Variants in MYH9 observed in about 807,000 individuals in gnomAD.
MYH9 encodes myosin-9.
In MYH9, 29 loss-of-function variants were observed where a neutral mutation model predicts 241.9. That is an observed-to-expected ratio of 0.12 (90% CI 0.09 to 0.16). The LOEUF (loss-of-function observed/expected upper bound fraction) is 0.16, where lower values mean the gene tolerates loss of function less well. MYH9 is among the 10% of genes least tolerant of loss of function. The pLI is 1.00. For synonymous variants in MYH9, 1,047 were observed against 1,062.6 expected (o/e 0.99, Z 0.29); for missense variants, 1,803 against 2,595.5 (o/e 0.69, Z 6.63).
intron 20 of MYH9, among the ~76,000 whole-genome samples, chr22:36,301,985 A>G (rs980897187): frequency 6.6e-6 from 1 of 152,222 alleles, no homozygotes; most frequent in Non-Finnish European, 1.5e-5. Context: ...AGGGAACAGC[A>G]CACTACCTCT....
chr22:36,284,282 G>A lies in MYH9; in HGVS notation c.5593-17C>T, dbSNP rs935527373. 6.2e-7 allele frequency: 1 copy of A among 1,606,646 alleles called. No homozygotes were observed. Among genetic ancestry groups the A allele is most frequent in the Non-Finnish European group, 8.5e-7 (1 of 1,178,590 alleles). ...CTTGTCGGCCTGCGGAGATGGACGT[G>A]TGGCCCGTGGCCCCGGTTAGGGGCT... On this transcript the variant is annotated splice_polypyrimidine_tract_variant and intron_variant, in intron 39 of 40. Coordinates refer to ENST00000216181, the MANE Select transcript of MYH9 (RefSeq NM_002473.6).
intron 1 of MYH9, among the ~76,000 whole-genome samples, chr22:36,350,704 T>G (rs932396309): frequency 3.9e-5 from 6 of 152,212 alleles, no homozygotes; most frequent in African/African-American, 1.4e-4. Context: ...GGAAACAAGC[T>G]CCCTGGATGT....
chr22:36,289,405 G>A, intron 31 of MYH9, 108 bp from the exon 32 acceptor site: 1 of 1,034,856 alleles, frequency 9.7e-7, no homozygotes, highest in South Asian at 1.4e-5. Context: ...CCACGGTGGA[G>A]AGGAGCAGGC....
chr22:36,292,045 G>A lies in MYH9; in HGVS notation c.4285C>T (p.Leu1429=), dbSNP rs2016713755. 1.9e-6 allele frequency: 3 copies of A among 1,614,196 alleles called. No homozygotes were observed. The highest frequency in any genetic ancestry group is 2.5e-6 in the Non-Finnish European group (3 of 1,180,044). Residue 1429 remains leucine (L), a synonymous_variant, in exon 31 of 41, where the codon CTG becomes TTG. Transcript: ENST00000216181. ...QQELDDLLVD[L]DHQRQSACNL... Reference sequence around the variant, plus strand: ...CACGCGCTCTGGCGCTGGTGGTCCAGGTCCACCAGCAGGTCGTCCAGCTCC... The same window carrying A: ...CACGCGCTCTGGCGCTGGTGGTCCAAGTCCACCAGCAGGTCGTCCAGCTCC...
chr22:36,284,297 G>T (rs575911014), intron 39 of MYH9, 32 bp from the exon 40 acceptor site: 2 of 1,605,416 alleles, frequency 1.2e-6, no homozygotes. Context: ...CCGTGGCCCC[G>T]GTTAGGGGCT....
intron 3 of MYH9, among the ~76,000 whole-genome samples, chr22:36,333,367 C>T (rs904231931): frequency 8.5e-5 from 13 of 152,234 alleles, no homozygotes; most frequent in Middle Eastern, 3.2e-3. Flanking sequence ...GCACGGCTCA[C>T]GCTTCCTCTC....
intron 3 of MYH9, 92 bp from the exon 4 acceptor site, chr22:36,327,580 GCA>G: frequency 7.0e-7 from 1 of 1,438,362 alleles, no homozygotes; most frequent in Non-Finnish European, 9.8e-7. Flanking sequence ...CAGACAGGGA[GCA>G]CAGTGTCACA....
At chr22:36,289,476 T>C (rs2016650756) in intron 31 of MYH9, among the ~76,000 whole-genome samples, 179 bp from the exon 32 acceptor site, 1 of 152,234 alleles carries the variant, frequency 6.6e-6, no homozygotes, top group African/African-American at 2.4e-5. Context: ...TGCATCCTCA[T>C]GATGGGATGA....
At position 36,306,004 on chromosome 22, in the gene MYH9, G is replaced by A. The variant is rs375953430; in HGVS notation, c.2085C>T (p.Asn695=). The A allele has an allele frequency of 6.6e-5, 106 of 1,613,368 alleles. No individual in the cohort carries two copies. Among genetic ancestry groups the A allele is most frequent in the African/African-American group, 5.9e-4 (44 of 75,062 alleles). The change falls in exon 17 of 41, where the codon AAC becomes AAT. Residue 695 remains asparagine, a synonymous_variant. Coordinates refer to ENST00000216181, the MANE Select transcript of MYH9 (RefSeq NM_002473.6). The surrounding 1 kb of genome is among the most constrained non-coding windows in gnomAD (Gnocchi z 4.1). ...PHLVLDQLRC[N]GVLEGIRICR... is the part of the protein sequence containing the mutation. Reference sequence around the variant, plus strand: ...AGATACGGATGCCCTCGAGAACACCGTTGCAGCGCAGCTGGTCCAGCACGA... The same window carrying A: ...AGATACGGATGCCCTCGAGAACACCATTGCAGCGCAGCTGGTCCAGCACGA...
At chr22:36,382,055 T>C (rs766470937) in intron 1 of MYH9, among the ~76,000 whole-genome samples, 3 of 152,082 alleles carry the variant, frequency 2.0e-5, no homozygotes, top group Non-Finnish European at 4.4e-5. Flanking sequence ...CTCGAACTCC[T>C]GGGCTCAAGC....
Position 36,282,521 on chromosome 22 carries a change from A to G in MYH9, c.*147T>C, listed in dbSNP as rs545754219. On this transcript the variant is annotated 3_prime_UTR_variant, in exon 41 of 41. Coordinates refer to ENST00000216181, the MANE Select transcript of MYH9 (RefSeq NM_002473.6). ...AATGCCCTCAACAACACCTGGAGGG[A>G]AACGGGATGGGGGGACGGGGCGGAG... 57 of 822,564 alleles carry G rather than the reference A, an allele frequency of 6.9e-5. No individual in the cohort carries two copies. The South Asian group carries it at 7.3e-4, about 11-fold the overall frequency. 51.0% of individuals were successfully genotyped at this position (822,564 alleles called of 1,614,324 possible).
At chr22:36,340,722 G>A (rs899694394) in intron 3 of MYH9, among the ~76,000 whole-genome samples, 4 of 152,026 alleles carry the variant, frequency 2.6e-5, no homozygotes, top group Non-Finnish European at 1.5e-5. Flanking sequence ...GGGGAGAGGT[G>A]AGGTAGGAAC....
chr22:36,343,785 T>C (rs1282747451), intron 2 of MYH9, among the ~76,000 whole-genome samples: 1 of 152,206 alleles, frequency 6.6e-6, no homozygotes, highest in Admixed American at 6.5e-5. Context: ...GAGCCTGTTC[T>C]GGTTTTTCCT....
chr22:36,322,421 C>A lies in MYH9; in HGVS notation c.705+8G>T, dbSNP rs769199791. 8.2e-5 allele frequency: 133 copies of A among 1,613,734 alleles called. 1 individual carries two copies. The South Asian group carries it at 1.4e-3, about 17-fold the overall frequency. ...TCCCCAGAGCCGGGGCGCCGCCGCG[C>A]TACTCACGAAGCGGGAGGAGTTGTC... On this transcript the variant is annotated splice_region_variant and intron_variant, in intron 6 of 40. Coordinates refer to ENST00000216181, the MANE Select transcript of MYH9 (RefSeq NM_002473.6).
chr22:36,287,148 G>A (rs905086518), intron 34 of MYH9, among the ~76,000 whole-genome samples: 3 of 151,948 alleles, frequency 2.0e-5, no homozygotes, highest in African/African-American at 4.8e-5. Context: ...CCCCTAATGC[G>A]CACCTGCCAC....
At chr22:36,355,032 C>T (rs1012389589) in intron 1 of MYH9, among the ~76,000 whole-genome samples, 2 of 149,842 alleles carry the variant, frequency 1.3e-5, no homozygotes, top group Non-Finnish European at 3.0e-5. Flanking sequence ...CAGAAAGTCC[C>T]GAGCTCCTGT....
chr22:36,360,030 A>ACAT lies in MYH9; in HGVS notation c.-19-10776_-19-10775insATG, dbSNP rs528391200. ...TTTCCTAGCTTTAGAATGAGGACAA[A>ACAT]CACCACCACCACCACCACCACCACC... On this transcript the variant is annotated intron_variant, in intron 1 of 40. Transcript: ENST00000216181. Among the ~76,000 whole-genome samples, 36 of 102,246 alleles carry ACAT rather than the reference A, an allele frequency of 3.5e-4. 1 individual carries two copies. Among genetic ancestry groups the ACAT allele is most frequent in the African/African-American group, 1.1e-3 (31 of 27,790 alleles). The allele number at this position is 102,246 out of a possible 152,430, so 67.1% of individuals were successfully genotyped here. A position where few individuals can be genotyped will look rare whatever the true frequency, so the allele number is the denominator to read the frequency against.
chr22:36,363,597 T>C (rs1242114654), intron 1 of MYH9, among the ~76,000 whole-genome samples: 1 of 152,214 alleles, frequency 6.6e-6, no homozygotes, highest in Non-Finnish European at 1.5e-5. Flanking sequence ...CCCTTGGCTT[T>C]GCTTTTAATT....
rs558960948 is a variant in MYH9, at chr22:36,330,126, C to A, written c.491-2638G>T. Among the ~76,000 whole-genome samples the A allele has an allele frequency of 3.3e-4, 50 of 152,362 alleles. No homozygotes were observed. The highest frequency in any genetic ancestry group is 1.0e-3 in the South Asian group (5 of 4,830). The stretch of plus-strand genomic sequence containing the variant: ...ATTCAGTGTCTCCTCTCCATCCACC[C>A]GAGCGTCCCTAGCTCTCCCACTTCT... On this transcript the variant is annotated intron_variant, in intron 3 of 40. Coordinates refer to ENST00000216181, the MANE Select transcript of MYH9 (RefSeq NM_002473.6). The surrounding 1 kb of genome is among the most constrained non-coding windows in gnomAD (Gnocchi z 4.5).
Sources: allele counts gnomAD v4.1 joint callset (sites outside exome capture counted in the v4.1 genomes callset), GRCh38; gene constraint gnomAD v4.1.1; non-coding constraint Gnocchi (gnomAD v3.1); transcripts MANE v1.5; gene names NCBI Gene and HGNC (gene_info 2026-07-23, HGNC 2026-07-21).